Variants in BCKDHB observed in about 807,000 individuals in gnomAD.
The protein encoded by BCKDHB is branched chain keto acid dehydrogenase E1 subunit beta, also known as 2-oxoisovalerate dehydrogenase subunit beta, mitochondrial.
BCKDHB carries 41 observed loss-of-function variants against 48.5 expected under a neutral mutation model. The observed-to-expected ratio is 0.85, with a 90% CI of 0.66 to 1.10. BCKDHB has a LOEUF of 1.10. Ranked by LOEUF, BCKDHB falls within the 50% of genes least tolerant of loss-of-function variation. The pLI is 0.00. For missense variants in BCKDHB, 496 were observed against 494.2 expected (o/e 1.00, Z -0.03); for synonymous variants, 201 against 174.8 (o/e 1.15, Z -1.18).
chr6:80,151,482 A>G (rs1771775472), intron 3 of BCKDHB, among the ~76,000 whole-genome samples: 1 of 149,322 alleles, frequency 6.7e-6, no homozygotes, highest in Non-Finnish European at 1.5e-5. Flanking sequence ...TTTAAACTGT[A>G]TTGCATTTGG....
At chr6:80,353,827 T>C in the BCKDHB span, among the ~76,000 whole-genome samples, 4 of 150,770 alleles carry the variant, frequency 2.7e-5, no homozygotes, top group African/African-American at 9.7e-5. Context: ...TGCTCCAGCC[T>C]GGGCGACAAA....
chr6:80,118,967 G>A (rs1173166778), intron 1 of BCKDHB, among the ~76,000 whole-genome samples: 4 of 152,136 alleles, frequency 2.6e-5, no homozygotes, highest in African/African-American at 9.7e-5. Flanking sequence ...CTGCAGTTAT[G>A]TTCTTCTCTG....
intron 4 of BCKDHB, among the ~76,000 whole-genome samples, chr6:80,168,652 TAAGA>T (rs1772710559): frequency 8.7e-6 from 1 of 115,382 alleles, no homozygotes; most frequent in Admixed American, 1.0e-4. Flanking sequence ...GACCCTGTCT[TAAGA>T]AAGAAAGGAA....
chr6:80,457,943 G>T, the BCKDHB span, among the ~76,000 whole-genome samples: 32 of 152,298 alleles, frequency 2.1e-4, no homozygotes, highest in South Asian at 6.0e-3. Flanking sequence ...CTCAGCACTT[G>T]TGTATTTTGG....
intron 3 of BCKDHB, among the ~76,000 whole-genome samples, chr6:80,150,459 A>G (rs547142056): frequency 6.6e-6 from 1 of 152,032 alleles, no homozygotes; most frequent in Non-Finnish European, 1.5e-5. Flanking sequence ...AATATATTGC[A>G]TATCAGTGAA....
intron 6 of BCKDHB, among the ~76,000 whole-genome samples, chr6:80,184,519 T>C (rs993443282): frequency 6.6e-6 from 1 of 152,170 alleles, no homozygotes; most frequent in Admixed American, 6.5e-5. Flanking sequence ...TGTCTTTTTT[T>C]AATAGGCCTT....
chr6:80,463,825 G>C, the BCKDHB span, among the ~76,000 whole-genome samples: 1 of 152,082 alleles, frequency 6.6e-6, no homozygotes, highest in Non-Finnish European at 1.5e-5. Flanking sequence ...TTACATATGG[G>C]AATAATGAAA....
the BCKDHB span, among the ~76,000 whole-genome samples, chr6:80,431,865 G>A: frequency 1.3e-5 from 2 of 152,232 alleles, no homozygotes; most frequent in South Asian, 2.1e-4. Context: ...GCTTCCTTCA[G>A]GAGCTCTTGT....
At chr6:80,149,601 G>A (rs868226428) in intron 3 of BCKDHB, among the ~76,000 whole-genome samples, 3 of 151,020 alleles carry the variant, frequency 2.0e-5, no homozygotes. Flanking sequence ...ATGATAGACT[G>A]GATTAAGAAA....
intron 3 of BCKDHB, among the ~76,000 whole-genome samples, chr6:80,139,509 G>T (rs1391431788): frequency 8.6e-5 from 13 of 150,452 alleles, no homozygotes; most frequent in African/African-American, 2.7e-4. Context: ...TCCAGTTTCA[G>T]CTTTCTACAT....
chr6:80,132,441 C>G (rs528748873), intron 3 of BCKDHB, among the ~76,000 whole-genome samples: 4 of 152,160 alleles, frequency 2.6e-5, no homozygotes, highest in Non-Finnish European at 5.9e-5. Flanking sequence ...CCTTTGCTCT[C>G]ACTTAGACAG....
chr6:80,168,813 G>A (rs999221391), intron 4 of BCKDHB, 62 bp from the exon 5 acceptor site: 13 of 1,594,498 alleles, frequency 8.2e-6, no homozygotes, highest in African/African-American at 1.3e-5. Flanking sequence ...GAGGAAGAAC[G>A]GAAGGAGATT....
chr6:80,388,794 A>G, the BCKDHB span, among the ~76,000 whole-genome samples: 1 of 152,226 alleles, frequency 6.6e-6, no homozygotes, highest in Non-Finnish European at 1.5e-5. Flanking sequence ...TGCAGGCACC[A>G]GCTGAAAGTG....
chr6:80,295,293 C>T (rs1366178888), intron 9 of BCKDHB, among the ~76,000 whole-genome samples: 1 of 152,088 alleles, frequency 6.6e-6, no homozygotes, highest in African/African-American at 2.4e-5. Flanking sequence ...ATATAATGGA[C>T]TTACACTTCC....
At chr6:80,358,014 T>G in the BCKDHB span, among the ~76,000 whole-genome samples, 1 of 152,228 alleles carries the variant, frequency 6.6e-6, no homozygotes, top group African/African-American at 2.4e-5. Flanking sequence ...CCTTGACTAA[T>G]AGTTTGGCTG....
At chr6:80,152,029 C>T (rs1771810304) in intron 3 of BCKDHB, among the ~76,000 whole-genome samples, 1 of 152,076 alleles carries the variant, frequency 6.6e-6, no homozygotes, top group East Asian at 1.9e-4. Flanking sequence ...ATTTCAATGG[C>T]TTGCCCTTAA....
At chr6:80,298,014 G>GT (rs564260983) in intron 9 of BCKDHB, among the ~76,000 whole-genome samples, 4 of 151,860 alleles carry the variant, frequency 2.6e-5, no homozygotes, top group South Asian at 2.1e-4. Context: ...TGCCTCCTCT[G>GT]TTTTTTTCAA....
chr6:80,351,060 A>G (rs1226969897), downstream of BCKDHB, among the ~76,000 whole-genome samples: 3 of 152,216 alleles, frequency 2.0e-5, no homozygotes, highest in Admixed American at 2.0e-4. Flanking sequence ...GTTAATGTGC[A>G]CATTTAAAAT....
chr6:80,455,717 C>T, the BCKDHB span, among the ~76,000 whole-genome samples: 2,289 of 152,046 alleles, frequency 0.015, 56 homozygotes, highest in African/African-American at 0.052. Flanking sequence ...ACATAAATCT[C>T]CCCTTCTGCA....
Sources: gnomAD v4.1 joint callset for allele counts (sites outside exome capture counted in the v4.1 genomes callset) on GRCh38, gnomAD v4.1.1 for gene constraint, MANE v1.5 for transcripts, NCBI Gene and HGNC (gene_info 2026-07-23, HGNC 2026-07-21) for gene names.